Variants in CTNNA3 observed in about 807,000 individuals in gnomAD.
The protein encoded by CTNNA3 is catenin alpha 3, also known as catenin alpha-3.
In CTNNA3, 76 loss-of-function variants were observed where a neutral mutation model predicts 95.7. That is an observed-to-expected ratio of 0.79 (90% CI 0.66 to 0.96). The LOEUF (loss-of-function observed/expected upper bound fraction) is 0.96, where lower values mean the gene tolerates loss of function less well. Among genes scored for constraint, CTNNA3 ranks in the 40% least tolerant of loss-of-function variants. CTNNA3 has a pLI of 0.00. For missense variants in CTNNA3, 1,191 were observed against 1,089.8 expected, an observed-to-expected ratio of 1.09 and a Z score of -1.31; for synonymous variants, 431 against 374.4, an observed-to-expected ratio of 1.15 and a Z score of -1.74.
intron 2 of CTNNA3, among the ~76,000 whole-genome samples, chr10:67,611,195 T>A (rs553089730): frequency 1.0e-3 from 155 of 152,348 alleles, no homozygotes; most frequent in African/African-American, 3.6e-3. Context: ...AATTTAGGTG[T>A]GCTTCTCTAA....
intron 5 of CTNNA3, among the ~76,000 whole-genome samples, chr10:67,364,167 C>G: frequency 6.6e-6 from 1 of 152,146 alleles, no homozygotes; most frequent in Non-Finnish European, 1.5e-5. Flanking sequence ...AAGGCTGGTT[C>G]AACATATGCA....
chr10:67,425,981 C>A (rs139148192), intron 5 of CTNNA3, among the ~76,000 whole-genome samples: 1 of 152,218 alleles, frequency 6.6e-6, no homozygotes, highest in African/African-American at 2.4e-5. Context: ...GGGTCACCCT[C>A]TGTTTATTGC....
At chr10:67,470,023 A>G (rs1050466648) in intron 5 of CTNNA3, among the ~76,000 whole-genome samples, 2 of 152,202 alleles carry the variant, frequency 1.3e-5, no homozygotes, top group African/African-American at 4.8e-5. Context: ...GTGGTATCAA[A>G]TACTAGGTCT....
chr10:67,197,239 T>C (rs1863418494), intron 6 of CTNNA3, among the ~76,000 whole-genome samples: 1 of 152,092 alleles, frequency 6.6e-6, no homozygotes, highest in Non-Finnish European at 1.5e-5. Context: ...TGTCAATTGT[T>C]ATTCCTGTGG....
intron 10 of CTNNA3, among the ~76,000 whole-genome samples, chr10:66,578,572 A>G (rs1843079221): frequency 6.6e-6 from 1 of 152,048 alleles, no homozygotes; most frequent in Non-Finnish European, 1.5e-5. Flanking sequence ...CTATTGAGAT[A>G]ATGATGTGGT....
At chr10:67,221,880 T>C (rs2132271193) in intron 5 of CTNNA3, among the ~76,000 whole-genome samples, 1 of 152,344 alleles carries the variant, frequency 6.6e-6, no homozygotes, top group South Asian at 2.1e-4. Flanking sequence ...GGACTTGTAT[T>C]TGTATAATAT....
At chr10:67,195,435 T>C (rs544670870) in intron 6 of CTNNA3, among the ~76,000 whole-genome samples, 2 of 145,804 alleles carry the variant, frequency 1.4e-5, no homozygotes, top group Admixed American at 1.5e-4. Flanking sequence ...CCTGGTAGAA[T>C]GAGGAAAATA....
intron 7 of CTNNA3, among the ~76,000 whole-genome samples, chr10:66,963,690 A>G (rs534901229): frequency 1.1e-4 from 16 of 152,224 alleles, no homozygotes; most frequent in African/African-American, 3.9e-4. Flanking sequence ...AACAGGTTCC[A>G]AAATAGAAGG....
chr10:66,860,500 G>T (rs1054512104), intron 7 of CTNNA3, among the ~76,000 whole-genome samples: 1 of 152,090 alleles, frequency 6.6e-6, no homozygotes, highest in African/African-American at 2.4e-5. Flanking sequence ...TCTACAGTCG[G>T]CAGAAGTAAT....
intron 2 of CTNNA3, among the ~76,000 whole-genome samples, chr10:67,639,373 C>T (rs1016405263): frequency 1.3e-5 from 2 of 151,958 alleles, no homozygotes; most frequent in Non-Finnish European, 2.9e-5. Flanking sequence ...AATAGCTTAC[C>T]AACCAAAAAA....
intron 13 of CTNNA3, among the ~76,000 whole-genome samples, chr10:66,243,859 T>C (rs567448002): frequency 1.1e-4 from 16 of 151,608 alleles, no homozygotes; most frequent in Admixed American, 2.0e-4. Flanking sequence ...ACCCAGGTAG[T>C]ATGCCATGGA....
intron 15 of CTNNA3, among the ~76,000 whole-genome samples, chr10:65,994,097 C>T (rs12778178): frequency 0.21 from 32,597 of 152,060 alleles, 3,965 homozygotes; most frequent in Middle Eastern, 0.35. Context: ...GGATTTATTT[C>T]TGTCATTTTG....
At chr10:67,227,452 C>A (rs968942900) in intron 5 of CTNNA3, among the ~76,000 whole-genome samples, 2 of 152,002 alleles carry the variant, frequency 1.3e-5, no homozygotes, top group Non-Finnish European at 2.9e-5. Context: ...CCAAAAGAGA[C>A]AAAGAGGGAC....
chr10:66,859,363 A>G lies in CTNNA3; in HGVS notation c.1048-83839T>C, dbSNP rs557483626. ...ATCAAAAAGTGGGCGAAGGACATGA[A>G]CAGACACTTCTCAAAAGAAGACATT... On this transcript the variant is annotated intron_variant, in intron 7 of 17. Coordinates refer to ENST00000433211, the MANE Select transcript of CTNNA3 (RefSeq NM_013266.4). Among the ~76,000 whole-genome samples the G allele has an allele frequency of 2.3e-3, 342 of 151,992 alleles. 3 individuals carry two copies. The highest frequency in any genetic ancestry group is 7.9e-3 in the African/African-American group (328 of 41,416).
At chr10:67,177,105 A>C (rs1358306470) in intron 7 of CTNNA3, 1 of 383,558 alleles carries the variant, frequency 2.6e-6, no homozygotes, top group Non-Finnish European at 5.1e-6. Context: ...TTAACAGGAC[A>C]GTATATATTA....
chr10:66,582,892 T>A (rs1043977171), intron 10 of CTNNA3, among the ~76,000 whole-genome samples: 1 of 151,802 alleles, frequency 6.6e-6, no homozygotes. Context: ...TCTATAGAAA[T>A]GATCATATAT....
chr10:67,052,153 T>A (rs934275599), intron 7 of CTNNA3, among the ~76,000 whole-genome samples: 2 of 152,190 alleles, frequency 1.3e-5, no homozygotes, highest in African/African-American at 4.8e-5. Flanking sequence ...AGCATTGAGT[T>A]TTCTTTCCCT....
chr10:66,477,832 T>C (rs930204090), intron 11 of CTNNA3, among the ~76,000 whole-genome samples: 1 of 152,062 alleles, frequency 6.6e-6, no homozygotes, highest in Non-Finnish European at 1.5e-5. Context: ...GCTGATATAG[T>C]GCAACTCCTA....
At chr10:67,146,442 G>A (rs559906505) in intron 7 of CTNNA3, among the ~76,000 whole-genome samples, 3 of 152,170 alleles carry the variant, frequency 2.0e-5, no homozygotes, top group South Asian at 2.1e-4. Flanking sequence ...GAATCTAGAC[G>A]AACATTTTTA....
Sources: allele counts gnomAD v4.1 joint callset (sites outside exome capture counted in the v4.1 genomes callset), GRCh38; gene constraint gnomAD v4.1.1; transcripts MANE v1.5; gene names NCBI Gene and HGNC (gene_info 2026-07-23, HGNC 2026-07-21).